The following AKAP6 variants were observed in gnomAD, a reference collection of about 807,000 sequenced individuals.
The protein encoded by AKAP6 is A-kinase anchor protein 6.
Under a neutral mutation model 188.5 loss-of-function variants are expected in AKAP6, and 58 were observed. That is an observed-to-expected ratio of 0.31 (90% CI 0.25 to 0.38). The LOEUF is 0.38. Ranked by LOEUF, AKAP6 falls within the 10% of genes least tolerant of loss-of-function variation. The pLI, the probability that AKAP6 is intolerant of heterozygous loss-of-function variation, is 1.00. For synonymous variants in AKAP6, 989 were observed against 998.6 expected, an observed-to-expected ratio of 0.99 and a Z score of 0.18; for missense variants, 2,710 against 2,740.0, an observed-to-expected ratio of 0.99 and a Z score of 0.24.
chr14:32,785,239 A>T (rs1455746673), intron 12 of AKAP6, among the ~76,000 whole-genome samples: 1 of 152,196 alleles, frequency 6.6e-6, no homozygotes, highest in East Asian at 1.9e-4. Flanking sequence ...ACATGAATAG[A>T]ATTAACTATT....
At chr14:32,707,211 T>G (rs759683030) in intron 9 of AKAP6, among the ~76,000 whole-genome samples, 5 of 152,126 alleles carry the variant, frequency 3.3e-5, no homozygotes, top group Non-Finnish European at 5.9e-5. Flanking sequence ...TCACCAAGAT[T>G]GAATTTGAAT....
chr14:32,353,871 G>A (rs1348368579), intron 1 of AKAP6, among the ~76,000 whole-genome samples: 2 of 152,006 alleles, frequency 1.3e-5, no homozygotes, highest in African/African-American at 4.8e-5. Context: ...GCTTCAAAGA[G>A]AATAAAATAC....
In AKAP6 at chr14:32,832,950, A is replaced by G. The variant is rs2034836912; in HGVS notation, c.*3145A>G. 1 of 152,668 alleles carries G rather than the reference A, an allele frequency of 6.6e-6. No individual in the cohort carries two copies. Among genetic ancestry groups the G allele is most frequent in the Non-Finnish European group, 1.5e-5 (1 of 68,046 alleles). 9.5% of individuals were successfully genotyped at this position (152,668 alleles called of 1,614,324 possible). A position where few individuals can be genotyped will look rare whatever the true frequency, so the allele number is the denominator to read the frequency against. On this transcript the variant is annotated 3_prime_UTR_variant, in exon 14 of 14. Coordinates refer to ENST00000280979, the MANE Select transcript of AKAP6 (RefSeq NM_004274.5). ...ACATTAAGGAACTGTCTTCATCATCATACATGTAGAAAAGAATCTGAACAT... is the reference window on the plus strand; with the variant it reads ...ACATTAAGGAACTGTCTTCATCATCGTACATGTAGAAAAGAATCTGAACAT...
intron 2 of AKAP6, among the ~76,000 whole-genome samples, chr14:32,477,432 A>G (rs966897200): frequency 2.0e-5 from 3 of 152,038 alleles, no homozygotes; most frequent in Non-Finnish European, 4.4e-5. Context: ...GGCCCTTAAG[A>G]GGGGTCCTGG....
At chr14:32,536,986 A>G (rs1369930229) in intron 3 of AKAP6, among the ~76,000 whole-genome samples, 1 of 152,180 alleles carries the variant, frequency 6.6e-6, no homozygotes, top group Non-Finnish European at 1.5e-5. Context: ...ACAAGTTTAT[A>G]AGGCACTTAC....
chr14:32,533,974 C>A (rs911068008), intron 2 of AKAP6, among the ~76,000 whole-genome samples: 2 of 152,166 alleles, frequency 1.3e-5, no homozygotes, highest in African/African-American at 2.4e-5. Context: ...AAGTTATAAT[C>A]ACCAGTTTGC....
chr14:32,429,381 A>G (rs143003653), intron 1 of AKAP6, among the ~76,000 whole-genome samples: 2 of 152,370 alleles, frequency 1.3e-5, no homozygotes, highest in African/African-American at 4.8e-5. Flanking sequence ...CCTGATAAGA[A>G]CAAGAAAAAT....
chr14:32,355,843 C>T (rs529804323), intron 1 of AKAP6, among the ~76,000 whole-genome samples: 9 of 152,060 alleles, frequency 5.9e-5, no homozygotes, highest in African/African-American at 2.2e-4. Context: ...GATGTGATCA[C>T]AGCTCACTGC....
At position 32,784,033 on chromosome 14, in the gene AKAP6, G is replaced by A. The variant is rs149443471; in HGVS notation, c.3588+10140G>A. Among the ~76,000 whole-genome samples the A allele has an allele frequency of 2.4e-4, 37 of 152,110 alleles. No homozygotes were observed. In the East Asian group the frequency reaches 4.1e-3, roughly 17 times the overall value. ...TTGGAAAATTATGGATCAAATTTTCGTATCACATGTGACATATGGAGAAGT... is the reference window on the plus strand; with the variant it reads ...TTGGAAAATTATGGATCAAATTTTCATATCACATGTGACATATGGAGAAGT... On this transcript the variant is annotated intron_variant, in intron 12 of 13. Coordinates refer to ENST00000280979, the MANE Select transcript of AKAP6 (RefSeq NM_004274.5).
chr14:32,451,039 A>G (rs1310767014), intron 2 of AKAP6, among the ~76,000 whole-genome samples: 1 of 152,152 alleles, frequency 6.6e-6, no homozygotes, highest in Admixed American at 6.5e-5. Flanking sequence ...AGTTTACTCT[A>G]TTGCTTTATA....
chr14:32,557,023 ATCT>A (rs945034589), intron 4 of AKAP6, among the ~76,000 whole-genome samples: 35 of 151,436 alleles, frequency 2.3e-4, no homozygotes, highest in African/African-American at 7.8e-4. Context: ...AGACCAAGTC[ATCT>A]TCTGGAATTT....
intron 1 of AKAP6, among the ~76,000 whole-genome samples, chr14:32,391,728 G>T (rs1484042460): frequency 6.6e-6 from 1 of 152,164 alleles, no homozygotes; most frequent in East Asian, 1.9e-4. Context: ...AGATGTGACT[G>T]CTACCCCTTT....
rs1045094681 is a variant in AKAP6 at position 32,590,572 on chromosome 14, C to T, written c.2470-8838C>T. Reference sequence around the variant, plus strand: ...CTAACAAATGTTATAAATCATCAAACGATAACTGAGCATGTCTACAAGTTA... The same window carrying T: ...CTAACAAATGTTATAAATCATCAAATGATAACTGAGCATGTCTACAAGTTA... On this transcript the variant is annotated intron_variant, in intron 5 of 13. Transcript: ENST00000280979. 3.9e-4 allele frequency among the ~76,000 whole-genome samples: 59 copies of T among 151,986 alleles called. 1 individual carries two copies. Among genetic ancestry groups the T allele is most frequent in the African/African-American group, 1.0e-3 (43 of 41,312 alleles).
Position 32,822,490 on chromosome 14 carries a change from C to A in AKAP6, c.4677C>A (p.Leu1559=), listed in dbSNP as rs749101505. ...CTGGCATGCAGAATGCCAAACAGCT[C>A]TCCCTTTTATCTCATAGTTCATCTA... ...TFTGMQNAKQ[L]SLLSHSSSIE... is the part of the protein sequence containing the mutation. The change falls in exon 13 of 14, where the codon CTC becomes CTA. Residue 1559 remains leucine, a synonymous_variant. Transcript: ENST00000280979. The A allele has an allele frequency of 6.2e-7, 1 of 1,614,044 alleles. No individual in the cohort carries two copies. The highest frequency in any genetic ancestry group is 1.3e-5 in the African/African-American group (1 of 75,038).
Position 32,649,955 on chromosome 14 carries a change from A to G in AKAP6, c.2731-28356A>G, listed in dbSNP as rs1327245571. Among the ~76,000 whole-genome samples, 4 of 152,326 alleles carry G rather than the reference A, an allele frequency of 2.6e-5. No individual in the cohort carries two copies. The East Asian group carries it at 7.7e-4, about 29-fold the overall frequency. ...TTTCTCTAGGCAGCACACACTGCTC[A>G]TATTTTATATAGATCACTTTTAGAA... is the stretch of plus-strand genomic sequence containing the variant. On this transcript the variant is annotated intron_variant, in intron 7 of 13. Transcript: ENST00000280979.
At chr14:32,387,865 A>C (rs1888584917) in intron 1 of AKAP6, among the ~76,000 whole-genome samples, 1 of 151,522 alleles carries the variant, frequency 6.6e-6, no homozygotes, top group African/African-American at 2.4e-5. Flanking sequence ...GCTTCATAGA[A>C]TGATTTAGGG....
intron 2 of AKAP6, among the ~76,000 whole-genome samples, chr14:32,491,850 C>A (rs1343765998): frequency 1.3e-5 from 2 of 152,108 alleles, no homozygotes; most frequent in African/African-American, 4.8e-5. Context: ...TTGATTTTAT[C>A]TGCAGTGATT....
intron 2 of AKAP6, among the ~76,000 whole-genome samples, chr14:32,500,137 C>T (rs141718379): frequency 7.9e-5 from 12 of 151,958 alleles, no homozygotes; most frequent in East Asian, 3.9e-4. Flanking sequence ...AAAAGAGAGA[C>T]GAGAAGAGGG....
At chr14:32,542,591 A>T (rs1392630031) in intron 3 of AKAP6, among the ~76,000 whole-genome samples, 1 of 152,224 alleles carries the variant, frequency 6.6e-6, no homozygotes, top group African/African-American at 2.4e-5. Flanking sequence ...AATCTGAGTG[A>T]TAAGGAAGAG....
Sources: gnomAD v4.1 joint callset for allele counts (sites outside exome capture counted in the v4.1 genomes callset) on GRCh38, gnomAD v4.1.1 for gene constraint, MANE v1.5 for transcripts, NCBI Gene and HGNC (gene_info 2026-07-23, HGNC 2026-07-21) for gene names.